The following PCDHA7 variants were observed in gnomAD, a reference collection of about 807,000 sequenced individuals.
PCDHA7 encodes the protein protocadherin alpha-7.
In PCDHA7, 37 loss-of-function variants were observed where a neutral mutation model predicts 57.2. That is an observed-to-expected ratio of 0.65 (90% CI 0.50 to 0.85). PCDHA7 has a LOEUF of 0.85. PCDHA7 is among the 40% of genes least tolerant of loss of function. The pLI is 0.00. For missense variants in PCDHA7, 1,188 were observed against 1,241.8 expected (o/e 0.96, Z 0.65); for synonymous variants, 553 against 558.8 (o/e 0.99, Z 0.15).
rs2150445484 is a variant in PCDHA7, at chr5:140,849,697, A to T, written c.2355+12959A>T. The T allele has an allele frequency of 1.8e-5, 29 of 1,598,622 alleles. 2 individuals carry two copies. Among genetic ancestry groups the T allele is most frequent in the Middle Eastern group, 1.7e-4 (1 of 5,912 alleles). ...GTCCCCTTCAAGCTGGTGTCCACCTACAAGAATTACTACTCGTTGGTGCTG... is the reference window on the plus strand; with the variant it reads ...GTCCCCTTCAAGCTGGTGTCCACCTTCAAGAATTACTACTCGTTGGTGCTG... On this transcript the variant is annotated intron_variant, in intron 1 of 3. Coordinates refer to ENST00000525929, the MANE Select transcript of PCDHA7 (RefSeq NM_018910.3).
intron 1 of PCDHA7, among the ~76,000 whole-genome samples, chr5:140,962,346 TC>T (rs35212677): frequency 6.6e-6 from 1 of 152,108 alleles, no homozygotes; most frequent in Non-Finnish European, 1.5e-5. Flanking sequence ...GAAGTAAAAC[TC>T]CCCCCAATAC....
chr5:140,935,144 A>C (rs1289868558), intron 1 of PCDHA7, among the ~76,000 whole-genome samples: 1 of 152,184 alleles, frequency 6.6e-6, no homozygotes, highest in Non-Finnish European at 1.5e-5. Flanking sequence ...TGATACTTAG[A>C]GATATAATCT....
chr5:140,961,982 C>T (rs1367678374), intron 1 of PCDHA7, among the ~76,000 whole-genome samples: 2 of 151,650 alleles, frequency 1.3e-5, no homozygotes, highest in African/African-American at 4.9e-5. Context: ...CTCCTGGGTT[C>T]ACGCCATTGT....
intron 1 of PCDHA7, chr5:140,850,680 G>T: frequency 6.3e-7 from 1 of 1,598,518 alleles, no homozygotes; most frequent in Non-Finnish European, 8.6e-7. Flanking sequence ...GATGCCCACC[G>T]AGGGCGAGTG....
intron 1 of PCDHA7, chr5:140,928,757 G>A (rs372744198): frequency 6.2e-7 from 1 of 1,613,974 alleles, no homozygotes; most frequent in African/African-American, 1.3e-5. Flanking sequence ...CGTACTGCTC[G>A]CTTAGTTCTT....
intron 1 of PCDHA7, among the ~76,000 whole-genome samples, chr5:140,917,167 ATGG>A (rs1237150759): frequency 6.6e-6 from 1 of 152,160 alleles, no homozygotes; most frequent in African/African-American, 2.4e-5. Flanking sequence ...GGGAGGGGTG[ATGG>A]TGGTGATCCC....
In PCDHA7 at chr5:140,843,615, C is replaced by A. The variant is rs111750019; in HGVS notation, c.2355+6877C>A. ...AGGGTGTGCTCTGGTGAGGGGCCAC[C>A]GAAGACGGACCTCATGGCCTTCAGC... On this transcript the variant is annotated intron_variant, in intron 1 of 3. Transcript: ENST00000525929. 4.2e-5 allele frequency: 67 copies of A among 1,596,016 alleles called. 5 individuals are homozygous for A. In the African/African-American group the frequency reaches 5.8e-4, roughly 14 times the overall value.
chr5:140,841,400 G>T, intron 1 of PCDHA7: 1 of 1,613,214 alleles, frequency 6.2e-7, no homozygotes, highest in African/African-American at 1.3e-5. Flanking sequence ...CTGGAAGGTG[G>T]GGAGCGGCCA....
rs370989006 is a variant in PCDHA7 at position 141,009,739 on chromosome 5, C to T, written c.2616C>T (p.Pro872=). The change falls in exon 4 of 4, where the codon CCC becomes CCT. Residue 872 remains proline (P), a synonymous_variant. Transcript: ENST00000525929. ...AACAATCCGGTCCCGGTGAGTTGCC[C>T]GACAAATTCATTATCCCAGGATCTC... ...NPKQSGPGEL[P]DKFIIPGSPA... is the part of the protein sequence containing the mutation. 55 of 1,614,008 alleles carry T rather than the reference C, an allele frequency of 3.4e-5. No homozygotes were observed. Among genetic ancestry groups the T allele is most frequent in the African/African-American group, 2.4e-4 (18 of 74,972 alleles).
intron 1 of PCDHA7, chr5:140,966,703 G>A: frequency 1.5e-6 from 2 of 1,376,398 alleles, no homozygotes; most frequent in Non-Finnish European, 1.9e-6. Flanking sequence ...CCCGGGCGTG[G>A]GGCACGGCTG....
chr5:140,918,585 T>A (rs147777186), intron 1 of PCDHA7, among the ~76,000 whole-genome samples: 51 of 152,368 alleles, frequency 3.3e-4, no homozygotes, highest in African/African-American at 9.9e-4. Context: ...ATTGGCTATA[T>A]GTTCTATAGA....
chr5:140,862,916 G>A, intron 1 of PCDHA7: 1 of 547,890 alleles, frequency 1.8e-6, no homozygotes, highest in Non-Finnish European at 3.5e-6. Context: ...CTGGCGCCTT[G>A]GGTGGGCTGG....
At chr5:140,908,165 G>T (rs1422050863) in intron 1 of PCDHA7, among the ~76,000 whole-genome samples, 1 of 152,222 alleles carries the variant, frequency 6.6e-6, no homozygotes, top group African/African-American at 2.4e-5. Context: ...GGGCTGTAGT[G>T]CTGCAGCTGT....
At chr5:140,886,905 A>G (rs2061220299) in intron 1 of PCDHA7, among the ~76,000 whole-genome samples, 2 of 152,010 alleles carry the variant, frequency 1.3e-5, no homozygotes, top group Admixed American at 1.3e-4. Flanking sequence ...TTTAATAAAT[A>G]CTTATTGAGT....
intron 1 of PCDHA7, among the ~76,000 whole-genome samples, chr5:140,881,010 T>A (rs782629592): frequency 1.3e-5 from 2 of 152,198 alleles, no homozygotes; most frequent in Admixed American, 1.3e-4. Context: ...AGCAGAGCTA[T>A]GGAAATAAAC....
intron 1 of PCDHA7, chr5:140,850,551 G>T: frequency 6.3e-7 from 1 of 1,598,324 alleles, no homozygotes; most frequent in Non-Finnish European, 8.6e-7. Context: ...GTCAGTGGGT[G>T]CCACGGGCCC....
At chr5:140,842,956 G>A in intron 1 of PCDHA7, 1 of 1,594,910 alleles carries the variant, frequency 6.3e-7, no homozygotes, top group Non-Finnish European at 8.6e-7. Flanking sequence ...TGCCGCCTCT[G>A]GGCAGCAACG....
intron 1 of PCDHA7, chr5:140,871,575 A>C (rs974047385): frequency 1.4e-6 from 2 of 1,477,482 alleles, no homozygotes; most frequent in Non-Finnish European, 1.8e-6. Flanking sequence ...GGATTTTTTA[A>C]GGGAAAGTTT....
At chr5:140,874,144 T>C (rs1554167057) in intron 1 of PCDHA7, among the ~76,000 whole-genome samples, 2 of 152,244 alleles carry the variant, frequency 1.3e-5, no homozygotes. Context: ...CTTATACTTG[T>C]AGAGCCATTC....
Sources: allele counts gnomAD v4.1 joint callset (sites outside exome capture counted in the v4.1 genomes callset), GRCh38; gene constraint gnomAD v4.1.1; transcripts MANE v1.5; gene names NCBI Gene and HGNC (gene_info 2026-07-23, HGNC 2026-07-21).